TRPC7: variants seen among roughly 807,000 people sequenced by gnomAD.
TRPC7 encodes short transient receptor potential channel 7.
In TRPC7, 42 loss-of-function variants were observed where a neutral mutation model predicts 90.1. The ratio of observed to expected loss-of-function variants is 0.47; its 90% CI spans 0.36 to 0.60. The LOEUF (loss-of-function observed/expected upper bound fraction) is 0.60, where lower values mean the gene tolerates loss of function less well. TRPC7 is among the 20% of genes least tolerant of loss of function. The pLI is 0.00. For missense variants in TRPC7, 955 were observed against 1,112.3 expected (o/e 0.86, Z 2.01); for synonymous variants, 451 against 436.3 (o/e 1.03, Z -0.42).
intron 3 of TRPC7, among the ~76,000 whole-genome samples, chr5:136,276,384 T>C (rs1231426203): frequency 6.6e-6 from 1 of 152,218 alleles, no homozygotes; most frequent in Non-Finnish European, 1.5e-5. Flanking sequence ...GTGCTGATTT[T>C]CATCTCATTT....
chr5:136,243,942 T>C (rs1756249893), intron 7 of TRPC7, among the ~76,000 whole-genome samples: 1 of 152,102 alleles, frequency 6.6e-6, no homozygotes, highest in African/African-American at 2.4e-5. Flanking sequence ...TCTGGGGTCC[T>C]CTTGGTTGGG....
chr5:136,314,610 A>G (rs4976485), intron 3 of TRPC7, among the ~76,000 whole-genome samples: 104,411 of 152,020 alleles, frequency 0.69, 36,148 homozygotes, highest in African/African-American at 0.77. Flanking sequence ...AAACTTGGAA[A>G]CTCTCCCTGG....
intron 2 of TRPC7, among the ~76,000 whole-genome samples, chr5:136,355,701 G>A (rs1165324494): frequency 6.6e-6 from 1 of 152,214 alleles, no homozygotes; most frequent in Non-Finnish European, 1.5e-5. Context: ...GGGAGGCTGA[G>A]GCAGGAGAAT....
Position 136,226,241 on chromosome 5 carries a change from C to T in TRPC7, c.2055G>A (p.Val685=). ...SYQEIEEDAD[V]EWKFARAKLW... ...GTTTTGCTCGGGCGAACTTCCATTC[C>T]ACATCTGCATCCTCCTGTGGAACAA... Residue 685 remains valine, a synonymous_variant, in exon 9 of 12, where the codon GTG becomes GTA. Transcript: ENST00000513104. 1 of 1,551,598 alleles carries T rather than the reference C, an allele frequency of 6.4e-7. No individual in the cohort carries two copies. Among genetic ancestry groups the T allele is most frequent in the Non-Finnish European group, 8.7e-7 (1 of 1,146,916 alleles).
chr5:136,284,780 G>A (rs1757657229), intron 3 of TRPC7, among the ~76,000 whole-genome samples: 1 of 152,188 alleles, frequency 6.6e-6, no homozygotes, highest in Non-Finnish European at 1.5e-5. Context: ...AGTTGTGAAG[G>A]CTACACCCAG....
intron 7 of TRPC7, among the ~76,000 whole-genome samples, chr5:136,235,738 G>A (rs1755960377): frequency 6.6e-6 from 1 of 152,182 alleles, no homozygotes; most frequent in South Asian, 2.1e-4. Flanking sequence ...CACTTAGCTG[G>A]TCTTAAGACT....
chr5:136,222,323 T>C (rs1194688614), intron 10 of TRPC7, among the ~76,000 whole-genome samples: 1 of 152,208 alleles, frequency 6.6e-6, no homozygotes, highest in Non-Finnish European at 1.5e-5. Context: ...AGTAACTAAA[T>C]GTGTGTGAAC....
At position 136,357,147 on chromosome 5, in the gene TRPC7, C is replaced by T. The variant is rs777935954; in HGVS notation, c.241G>A (p.Ala81Thr). 5 of 1,614,102 alleles carry T rather than the reference C, an allele frequency of 3.1e-6. No homozygotes were observed. The highest frequency in any genetic ancestry group is 1.3e-5 in the African/African-American group (1 of 75,076). Residue 81 changes from alanine (A) to threonine (T), a missense_variant, in exon 2 of 12, where the codon GCT becomes ACT. Physicochemically the swap from Ala to Thr is moderately conservative, Grantham distance 58. This residue lies in a region of TRPC7 where 161 missense variants were observed against 145.7 expected (regional missense o/e 1.10). Coordinates refer to ENST00000513104, the MANE Select transcript of TRPC7 (RefSeq NM_020389.3). The stretch of plus-strand genomic sequence containing the variant: ...TCGTTGCCCACGGCCAGCTGCAGAG[C>T]GTTCTGCCCCATGTAGTCCACACAG... ...FNCVDYMGQN[A>T]LQLAVGNEHL...
intron 2 of TRPC7, among the ~76,000 whole-genome samples, chr5:136,349,373 G>T (rs1040625953): frequency 1.3e-5 from 2 of 152,206 alleles, no homozygotes; most frequent in Non-Finnish European, 2.9e-5. Flanking sequence ...CCTCTGAATA[G>T]AGGAGGTGCT....
chr5:136,261,001 T>A (rs1025353029), intron 5 of TRPC7, among the ~76,000 whole-genome samples: 1 of 152,188 alleles, frequency 6.6e-6, no homozygotes, highest in African/African-American at 2.4e-5. Context: ...TGCTATTTTG[T>A]TTCTAGCTGA....
chr5:136,337,469 C>A (rs914207957), intron 2 of TRPC7, among the ~76,000 whole-genome samples: 4 of 152,054 alleles, frequency 2.6e-5, no homozygotes, highest in South Asian at 2.1e-4. Context: ...AGATAGAGAC[C>A]ATACTGGCTA....
At chr5:136,352,457 C>G (rs1038429828) in intron 2 of TRPC7, among the ~76,000 whole-genome samples, 2 of 151,896 alleles carry the variant, frequency 1.3e-5, no homozygotes, top group African/African-American at 4.8e-5. Context: ...TGGACCCTAA[C>G]CAATTTTATC....
intron 7 of TRPC7, among the ~76,000 whole-genome samples, chr5:136,238,741 C>A (rs1485241199): frequency 1.3e-5 from 2 of 152,140 alleles, no homozygotes; most frequent in African/African-American, 4.8e-5. Context: ...GGTCTTTTTC[C>A]TCAAAACTTG....
intron 3 of TRPC7, among the ~76,000 whole-genome samples, chr5:136,275,366 G>A (rs1432009630): frequency 1.4e-5 from 2 of 142,746 alleles, no homozygotes; most frequent in Non-Finnish European, 3.0e-5. Flanking sequence ...TTGTCTTGGA[G>A]GATTAAATGA....
At chr5:136,224,849 G>C (rs559198673) in intron 10 of TRPC7, among the ~76,000 whole-genome samples, 4 of 152,178 alleles carry the variant, frequency 2.6e-5, no homozygotes, top group African/African-American at 9.7e-5. Flanking sequence ...TCCTCTGCCT[G>C]GAAGGCCATA....
rs1348355125 is a variant in TRPC7 at position 136,315,642 on chromosome 5, T to G, written c.918A>C (p.Pro306=). ...TGGCGAGTTTGATCCGGCTCAGACT[T>G]GGACGGTGGTGGTCGGACCAGACTT... ...NFQVWSDHHR[P]SLSRIKLAIK... Residue 306 remains proline, a synonymous_variant, in exon 3 of 12, where the codon CCA becomes CCC. Transcript: ENST00000513104. 1 of 1,613,924 alleles carries G rather than the reference T, an allele frequency of 6.2e-7. No individual in the cohort carries two copies. The highest frequency in any genetic ancestry group is 8.5e-7 in the Non-Finnish European group (1 of 1,179,868).
chr5:136,325,685 G>T (rs761854073), intron 2 of TRPC7, among the ~76,000 whole-genome samples: 1 of 152,072 alleles, frequency 6.6e-6, no homozygotes, highest in Non-Finnish European at 1.5e-5. Context: ...AAACATCAAG[G>T]TCTAGGGGCA....
chr5:136,268,829 T>C (rs753162656), intron 4 of TRPC7, among the ~76,000 whole-genome samples: 16 of 152,228 alleles, frequency 1.1e-4, no homozygotes, highest in Non-Finnish European at 1.6e-4. Flanking sequence ...ATTCTTTTCC[T>C]ATACTTCTGG....
chr5:136,227,832 C>T (rs1435144338), intron 8 of TRPC7, among the ~76,000 whole-genome samples: 1 of 152,182 alleles, frequency 6.6e-6, no homozygotes, highest in Non-Finnish European at 1.5e-5. Flanking sequence ...CATAGCAATA[C>T]CTATCGAATA....
Sources: gnomAD v4.1 joint callset for allele counts (sites outside exome capture counted in the v4.1 genomes callset) on GRCh38, gnomAD v4.1.1 for gene constraint, gnomAD v4.1.1 regional missense constraint, MANE v1.5 for transcripts, NCBI Gene and HGNC (gene_info 2026-07-23, HGNC 2026-07-21) for gene names.